Variants in UBE3B observed in about 807,000 individuals in gnomAD.
The protein encoded by UBE3B is ubiquitin protein ligase E3B, also known as ubiquitin-protein ligase E3B.
UBE3B carries 80 observed loss-of-function variants against 132.3 expected under a neutral mutation model. That is an observed-to-expected ratio of 0.60 (90% CI 0.50 to 0.73). The LOEUF (loss-of-function observed/expected upper bound fraction) is 0.73. UBE3B is among the 30% of genes least tolerant of loss of function. The probability of loss-of-function intolerance (pLI) is 0.00; values close to 1 mark genes in which losing one functional copy is unlikely to be tolerated. For synonymous variants in UBE3B, 487 were observed against 520.4 expected, an observed-to-expected ratio of 0.94 and a Z score of 0.87; for missense variants, 1,196 against 1,362.5, an observed-to-expected ratio of 0.88 and a Z score of 1.92.
intron 24 of UBE3B, among the ~76,000 whole-genome samples, chr12:109,527,613 TA>T (rs1217979697): frequency 6.6e-6 from 1 of 152,246 alleles, no homozygotes; most frequent in African/African-American, 2.4e-5. Flanking sequence ...CCTGTTTTCA[TA>T]ATGATTGAAA....
chr12:109,545,551 A>G, the UBE3B span, among the ~76,000 whole-genome samples: 1 of 152,194 alleles, frequency 6.6e-6, no homozygotes, highest in African/African-American at 2.4e-5. Flanking sequence ...TCCCATGCCC[A>G]AGGCCCCAGA....
At chr12:109,527,099 C>T (rs960697543) in intron 24 of UBE3B, among the ~76,000 whole-genome samples, 10 of 151,998 alleles carry the variant, frequency 6.6e-5, no homozygotes, top group African/African-American at 2.4e-4. Context: ...GATGATAGCA[C>T]GTGGCAGTTG....
intron 2 of UBE3B, among the ~76,000 whole-genome samples, chr12:109,482,264 A>C (rs1170841514): frequency 6.6e-6 from 1 of 152,090 alleles, no homozygotes; most frequent in Non-Finnish European, 1.5e-5. Flanking sequence ...CTGGGCTTTT[A>C]GGGCACCCAT....
At chr12:109,544,211 A>G in the UBE3B span, among the ~76,000 whole-genome samples, 1 of 152,200 alleles carries the variant, frequency 6.6e-6, no homozygotes. Context: ...GGAGGGACAC[A>G]CGGCCTTACG....
At chr12:109,490,557 T>C in intron 8 of UBE3B, 5 of 1,536,080 alleles carry the variant, frequency 3.3e-6, no homozygotes, top group Non-Finnish European at 4.4e-6. Context: ...AGGTGGTCCG[T>C]TGGCAGAAGC....
chr12:109,525,603 T>C (rs555815951), intron 23 of UBE3B, among the ~76,000 whole-genome samples: 1 of 152,354 alleles, frequency 6.6e-6, no homozygotes, highest in South Asian at 2.1e-4. Context: ...ATATGTCCTT[T>C]GATTTTTAGG....
intron 8 of UBE3B, chr12:109,490,808 T>G (rs1000406604): frequency 1.6e-6 from 2 of 1,270,534 alleles, no homozygotes; most frequent in Non-Finnish European, 1.0e-6. Context: ...TACGGTTTTT[T>G]GTTTTTTTGT....
At chr12:109,491,260 T>A in intron 9 of UBE3B, 133 bp downstream of exon 9, 1 of 741,850 alleles carries the variant, frequency 1.3e-6, no homozygotes, top group Non-Finnish European at 2.1e-6. Flanking sequence ...GCATTGTTCT[T>A]AATGAAAGTG....
chr12:109,508,937 A>G, intron 15 of UBE3B: 1 of 178,032 alleles, frequency 5.6e-6, no homozygotes, highest in Non-Finnish European at 1.1e-5. Context: ...ACTCTCAGTC[A>G]ATGTTCCTTG....
the UBE3B span, among the ~76,000 whole-genome samples, chr12:109,543,366 G>A: frequency 4.5e-5 from 5 of 110,082 alleles, no homozygotes; most frequent in East Asian, 4.2e-4. Context: ...GGAGTGGCTC[G>A]GCACGGGGTC....
In UBE3B at chr12:109,524,482, C is replaced by A; in HGVS notation, c.2547C>A (p.Tyr849Ter). 1 of 1,614,176 alleles carries A rather than the reference C, an allele frequency of 6.2e-7. No individual in the cohort carries two copies. The highest frequency in any genetic ancestry group is 1.1e-5 in the South Asian group (1 of 91,082). Reference protein sequence around the residue: ...DITDLGLTLSYDEDVMGQLVC... With the variant: ...DITDLGLTLS ...CTGACCTGGGCCTGACGCTGTCTTACGACGAGGACGTCATGGGTCAGGTAG... is the reference window on the plus strand; with the variant it reads ...CTGACCTGGGCCTGACGCTGTCTTAAGACGAGGACGTCATGGGTCAGGTAG... The change falls in exon 23 of 28, where the codon TAC becomes TAA. Residue 849 changes from tyrosine (Y) to a stop codon, truncating the protein, a stop_gained. Transcript: ENST00000342494. LOFTEE classifies it high-confidence loss of function.
chr12:109,533,816 G>A (rs1265678257), intron 27 of UBE3B: 1 of 928,804 alleles, frequency 1.1e-6, no homozygotes, highest in Non-Finnish European at 1.6e-6. Flanking sequence ...TGGAGTGGGG[G>A]TGGGTACGTG....
the UBE3B span, among the ~76,000 whole-genome samples, chr12:109,542,752 G>A: frequency 2.6e-5 from 4 of 152,218 alleles, no homozygotes; most frequent in Non-Finnish European, 5.9e-5. Context: ...GCTAGGAACA[G>A]ATTCTCCTTC....
In UBE3B at chr12:109,487,960, C is replaced by G. The variant is rs371386595; in HGVS notation, c.448-612C>G. Among the ~76,000 whole-genome samples, 27 of 152,298 alleles carry G rather than the reference C, an allele frequency of 1.8e-4. No homozygotes were observed. In the East Asian group the frequency reaches 4.8e-3, roughly 27 times the overall value. On this transcript the variant is annotated intron_variant, in intron 6 of 27. Coordinates refer to ENST00000342494, the MANE Select transcript of UBE3B (RefSeq NM_130466.4). ...GAAAGCAGTCAGGCCTTTTGCTTGA[C>G]TTACACTTGGTGAAACAATGAACTG...
Position 109,535,837 on chromosome 12 carries a change from C to T in UBE3B, c.*1055C>T, listed in dbSNP as rs550988619. 1 of 152,194 alleles carries T rather than the reference C, an allele frequency of 6.6e-6. No individual in the cohort carries two copies. Among genetic ancestry groups the T allele is most frequent in the Non-Finnish European group, 1.5e-5 (1 of 68,012 alleles). 9.4% of individuals were successfully genotyped at this position (152,194 alleles called of 1,614,324 possible). ...TGTTTTTTTTTTAAACTTCATTTCT[C>T]TTCCAACCCATTGTGTTCCTCTGCC... On this transcript the variant is annotated 3_prime_UTR_variant, in exon 28 of 28. Transcript: ENST00000342494.
In UBE3B at chr12:109,521,766, G is replaced by T. The variant is rs1881750247; in HGVS notation, c.2364+215G>T. On this transcript the variant is annotated intron_variant, in intron 21 of 27. Transcript: ENST00000342494. This position sits in a 1 kb window ranked among gnomAD's most constrained non-coding sequence, Gnocchi z 4.2. ...CCATCGACAGCCCTGTGACGGGGCT[G>T]CCACTGTCCTGGCTATTTAAGGATG... 6.6e-6 allele frequency among the ~76,000 whole-genome samples: 1 copy of T among 152,152 alleles called. No individual in the cohort carries two copies. Among genetic ancestry groups the T allele is most frequent in the Non-Finnish European group, 1.5e-5 (1 of 68,026 alleles).
intron 1 of UBE3B, among the ~76,000 whole-genome samples, chr12:109,480,465 AT>A (rs2135733132): frequency 6.6e-6 from 1 of 152,260 alleles, no homozygotes; most frequent in Admixed American, 6.5e-5. Flanking sequence ...AACCTGGGCA[AT>A]ATAGCGAGAC....
At chr12:109,515,160 G>A (rs189965239) in intron 18 of UBE3B, among the ~76,000 whole-genome samples, 30 of 151,870 alleles carry the variant, frequency 2.0e-4, no homozygotes, top group Admixed American at 7.9e-4. Flanking sequence ...TGATCCGCCC[G>A]CCTAGGCCTC....
Position 109,488,653 on chromosome 12 carries a change from A to AT in UBE3B, c.531dup (p.Leu178SerfsTer6). ...CTTCACAGACACTTCAACGTGGAAA[A>AT]TTCTTCGGGGAAAAGGTCTGTGGGA... On this transcript the variant is annotated frameshift_variant, in exon 7 of 28. Coordinates refer to ENST00000342494, the MANE Select transcript of UBE3B (RefSeq NM_130466.4). LOFTEE classifies it high-confidence loss of function. 6.2e-7 allele frequency: 1 copy of AT among 1,614,062 alleles called. No individual in the cohort carries two copies. Among genetic ancestry groups the AT allele is most frequent in the Non-Finnish European group, 8.5e-7 (1 of 1,179,950 alleles).
Sources: allele counts gnomAD v4.1 joint callset (sites outside exome capture counted in the v4.1 genomes callset), GRCh38; gene constraint gnomAD v4.1.1; non-coding constraint Gnocchi (gnomAD v3.1); transcripts MANE v1.5; gene names NCBI Gene and HGNC (gene_info 2026-07-23, HGNC 2026-07-21).